Variants in COL5A1 observed in about 807,000 individuals in gnomAD.
COL5A1 encodes the protein collagen alpha-1(V) chain.
COL5A1 carries 16 observed loss-of-function variants against 263.7 expected under a neutral mutation model. That is an observed-to-expected ratio of 0.06 (90% CI 0.04 to 0.09). The LOEUF (loss-of-function observed/expected upper bound fraction) is 0.09, where lower values mean the gene tolerates loss of function less well. Among genes scored for constraint, COL5A1 ranks in the 10% least tolerant of loss-of-function variants. The pLI, the probability that COL5A1 is intolerant of heterozygous loss-of-function variation, is 1.00. For missense variants in COL5A1, 2,036 were observed against 2,540.5 expected, an observed-to-expected ratio of 0.80 and a Z score of 4.27; for synonymous variants, 1,012 against 1,004.5, an observed-to-expected ratio of 1.01 and a Z score of -0.14.
intron 42 of COL5A1, 56 bp downstream of exon 42, chr9:134,806,352 C>T (rs1254813428): frequency 2.3e-5 from 29 of 1,280,852 alleles, no homozygotes; most frequent in Middle Eastern, 2.6e-4. Context: ...GGGGTCGTTC[C>T]GTGTCTGGCC....
At chr9:134,784,928 T>G in intron 29 of COL5A1, 61 bp from the exon 30 acceptor site, 1 of 1,304,952 alleles carries the variant, frequency 7.7e-7, no homozygotes, top group Non-Finnish European at 1.1e-6. Flanking sequence ...CTCAGAATGG[T>G]GGTGGAGAAT....
intron 64 of COL5A1, among the ~76,000 whole-genome samples, chr9:134,831,300 C>G (rs1839612657): frequency 6.6e-6 from 1 of 152,210 alleles, no homozygotes; most frequent in South Asian, 2.1e-4. Flanking sequence ...AAATCATATA[C>G]CAGCTCCTTT....
At position 134,747,795 on chromosome 9, in the gene COL5A1, A is replaced by G. The variant is rs564225225; in HGVS notation, c.1495-2747A>G. ...CAGACACATGCACACATGCATTCAT[A>G]CACACATGCAGACACATGCACACAT... is the stretch of plus-strand genomic sequence containing the variant. On this transcript the variant is annotated intron_variant, in intron 11 of 65. Coordinates refer to ENST00000371817, the MANE Select transcript of COL5A1 (RefSeq NM_000093.5). 3.1e-3 allele frequency among the ~76,000 whole-genome samples: 471 copies of G among 150,458 alleles called. 12 individuals are homozygous for G. The highest frequency in any genetic ancestry group is 0.01 in the African/African-American group (418 of 40,580).
rs187022757 is a variant in COL5A1 at position 134,801,984 on chromosome 9, C to A, written c.2983C>A (p.Pro995Thr). The A allele has an allele frequency of 7.2e-5, 116 of 1,613,422 alleles. No individual in the cohort carries two copies. Among genetic ancestry groups the A allele is most frequent in the Admixed American group, 8.3e-5 (5 of 60,026 alleles). Residue 995 changes from proline (P) to threonine (T), a missense_variant, in exon 38 of 66, where the codon CCC becomes ACC. By Grantham distance (38) the Pro-to-Thr change is conservative. This residue lies in a region of COL5A1 where 1,078 missense variants were observed against 1,521.4 expected (regional missense o/e 0.71). Transcript: ENST00000371817. ...CCAAGGCAAGACCGGCCCTCCAGGCCCCCCCGGCGTGGTCGGCCCTCAGGT... is the reference window on the plus strand; with the variant it reads ...CCAAGGCAAGACCGGCCCTCCAGGCACCCCCGGCGTGGTCGGCCCTCAGGT... Reference protein sequence around the residue: ...GFQGKTGPPGPPGVVGPQGPT... With the variant: ...GFQGKTGPPGTPGVVGPQGPT...
At chr9:134,731,899 C>T (rs946012857) in intron 8 of COL5A1, among the ~76,000 whole-genome samples, 172 bp from the exon 9 acceptor site, 8 of 152,240 alleles carry the variant, frequency 5.3e-5, no homozygotes, top group Admixed American at 1.3e-4. Flanking sequence ...GTCACATGGG[C>T]TCCCGTGGGC....
intron 9 of COL5A1, chr9:134,732,546 T>G: frequency 3.2e-6 from 1 of 307,718 alleles, no homozygotes. Context: ...AGTTAACACG[T>G]GGTCGTACCT....
rs1481491092 is a variant in COL5A1 at position 134,830,170 on chromosome 9, G to A, written c.5136+126G>A. On this transcript the variant is annotated intron_variant, in intron 64 of 65. Transcript: ENST00000371817. ...CCTGGTATAGTCAGTACAAGCGGGG[G>A]TCCCTGGTAAGTGGCCACCTCGGCC... 69 of 1,609,928 alleles carry A rather than the reference G, an allele frequency of 4.3e-5. No homozygotes were observed. In the Admixed American group the frequency reaches 1.1e-3, roughly 26 times the overall value.
chr9:134,658,652 G>A (rs1832102479), intron 1 of COL5A1, among the ~76,000 whole-genome samples: 1 of 152,240 alleles, frequency 6.6e-6, no homozygotes, highest in South Asian at 2.1e-4. Flanking sequence ...CATGTCGGGG[G>A]TCTTAATGGA....
At chr9:134,650,850 G>A (rs982413537) in intron 1 of COL5A1, among the ~76,000 whole-genome samples, 9 of 152,370 alleles carry the variant, frequency 5.9e-5, no homozygotes, top group Non-Finnish European at 7.3e-5. Flanking sequence ...CCCGCCCTTC[G>A]TGCCAGGTGG....
chr9:134,764,415 TG>T (rs34847832), intron 20 of COL5A1, among the ~76,000 whole-genome samples: 55,890 of 123,542 alleles, frequency 0.45, 12,214 homozygotes, highest in East Asian at 0.7. Flanking sequence ...AGGGGCATTG[TG>T]GGGGGGGTCA....
chr9:134,707,097 G>C (rs1255941020), intron 4 of COL5A1, among the ~76,000 whole-genome samples: 1 of 152,172 alleles, frequency 6.6e-6, no homozygotes, highest in Admixed American at 6.5e-5. Flanking sequence ...GGGTGCCTCT[G>C]CCTTGAGGCC....
chr9:134,735,003 G>C (rs904666691), intron 9 of COL5A1, among the ~76,000 whole-genome samples: 5 of 152,014 alleles, frequency 3.3e-5, no homozygotes, highest in African/African-American at 1.2e-4. Context: ...CTGAAGTCAG[G>C]AGTTCGAGAC....
At chr9:134,731,798 T>C in intron 8 of COL5A1, 135 bp downstream of exon 8, 4 of 1,056,426 alleles carry the variant, frequency 3.8e-6, no homozygotes, top group Non-Finnish European at 5.4e-6. Flanking sequence ...CCCAAAACTT[T>C]ATTTTTAAAG....
intron 39 of COL5A1, 33 bp downstream of exon 39, chr9:134,803,028 G>A (rs1185652909): frequency 6.6e-7 from 1 of 1,521,740 alleles, no homozygotes; most frequent in Non-Finnish European, 9.0e-7. Flanking sequence ...GTCAGCTCAG[G>A]CGTTTCCTCA....
chr9:134,674,101 G>A (rs1233047809), intron 1 of COL5A1, among the ~76,000 whole-genome samples: 2 of 152,192 alleles, frequency 1.3e-5, no homozygotes, highest in Non-Finnish European at 2.9e-5. Flanking sequence ...TTGGAAAACA[G>A]TTTGGCTGTG....
chr9:134,738,946 G>A, intron 11 of COL5A1, 138 bp downstream of exon 11: 2 of 740,988 alleles, frequency 2.7e-6, no homozygotes, highest in South Asian at 3.1e-5. Flanking sequence ...CCTCACCCAG[G>A]CACTCCTCAC....
rs1216969237 is a variant in COL5A1 at position 134,678,036 on chromosome 9, C to T, written c.110-12876C>T. Among the ~76,000 whole-genome samples, 1 of 152,266 alleles carries T rather than the reference C, an allele frequency of 6.6e-6. No individual in the cohort carries two copies. The highest frequency in any genetic ancestry group is 1.5e-5 in the Non-Finnish European group (1 of 68,050). On this transcript the variant is annotated intron_variant, in intron 1 of 65. Transcript: ENST00000371817. The surrounding 1 kb of genome is among the most constrained non-coding windows in gnomAD (Gnocchi z 5.5). ...AATTCCGCTCTTCCTCGGATTGAGC[C>T]TCGCTCTGCCCTCATCATGGCCCCA... is the stretch of plus-strand genomic sequence containing the variant.
intron 2 of COL5A1, among the ~76,000 whole-genome samples, chr9:134,692,559 C>T (rs1309089618): frequency 6.6e-6 from 1 of 152,144 alleles, no homozygotes; most frequent in African/African-American, 2.4e-5. Flanking sequence ...TGCCGAGGAC[C>T]ACATGGACTC....
At chr9:134,771,673 G>A (rs550603068) in intron 25 of COL5A1, among the ~76,000 whole-genome samples, 6 of 152,320 alleles carry the variant, frequency 3.9e-5, no homozygotes, top group African/African-American at 1.2e-4. Flanking sequence ...TCAGATCAAC[G>A]TTAGGCCACT....
Sources: gnomAD v4.1 joint callset for allele counts (sites outside exome capture counted in the v4.1 genomes callset) on GRCh38, gnomAD v4.1.1 for gene constraint, gnomAD v4.1.1 regional missense constraint, Gnocchi (gnomAD v3.1) non-coding constraint, MANE v1.5 for transcripts, NCBI Gene and HGNC (gene_info 2026-07-23, HGNC 2026-07-21) for gene names.